The following AHNAK2 variants were observed in gnomAD, a reference collection of about 807,000 sequenced individuals.
The protein encoded by AHNAK2 is protein AHNAK2.
A neutral mutation model predicts 30.7 loss-of-function variants in AHNAK2; 18 were observed. The ratio of observed to expected loss-of-function variants is 0.59; its 90% confidence interval spans 0.41 to 0.87. AHNAK2 has a LOEUF of 0.87. Ranked by LOEUF, AHNAK2 falls within the 40% of genes least tolerant of loss-of-function variation. AHNAK2 has a pLI of 0.00. For synonymous variants in AHNAK2, 3,590 were observed against 3,073.8 expected, an observed-to-expected ratio of 1.17 and a Z score of -5.56; for missense variants, 8,604 against 7,373.0, an observed-to-expected ratio of 1.17 and a Z score of -6.11.
intron 1 of AHNAK2, among the ~76,000 whole-genome samples, chr14:104,973,263 G>A (rs559463469): frequency 1.3e-5 from 2 of 152,358 alleles, no homozygotes; most frequent in South Asian, 4.1e-4. Flanking sequence ...TAGGACCCAG[G>A]ACCAGCTAGG....
Position 104,952,846 on chromosome 14 carries a change from G to T in AHNAK2, c.2605C>A (p.Leu869Ile), listed in dbSNP as rs1210019971. The change falls in exon 7 of 7, where the codon CTC (leucine) becomes ATC (isoleucine). Residue 869 changes from leucine to isoleucine, a missense_variant. By Grantham distance (5) the Leu-to-Ile change is conservative. Transcript: ENST00000333244. ...SAPKVEADVS[L>I]SSMQGDLKAT... is the part of the protein sequence containing the mutation. Reference sequence around the variant, plus strand: ...TTGAGGTCCCCCTGCATGGAGGAGAGGCTCACGTCGGCCTCCACCTTCGGC... The same window carrying T: ...TTGAGGTCCCCCTGCATGGAGGAGATGCTCACGTCGGCCTCCACCTTCGGC... The T allele has an allele frequency of 1.2e-6, 2 of 1,612,708 alleles. No homozygotes were observed. The highest frequency in any genetic ancestry group is 1.1e-5 in the South Asian group (1 of 91,028).
At position 104,951,244 on chromosome 14, in the gene AHNAK2, C is replaced by T. The variant is rs141283979; in HGVS notation, c.4207G>A (p.Glu1403Lys). ...AGGTGCCCTTTGAGGCCGGCTCCCT[C>T]GGGCACGGGGCCCTCTGGGAGTTTC... The part of the protein sequence containing the change: ...DVKLPEGPVP[E>K]GAGLKGHLPK... Residue 1403 changes from glutamate (E) to lysine (K), a missense_variant, in exon 7 of 7, where the codon GAG (glutamate) becomes AAG (lysine). Glu to Lys is a moderately conservative substitution (Grantham distance 56). Coordinates refer to ENST00000333244, the MANE Select transcript of AHNAK2 (RefSeq NM_138420.4). 0.065 allele frequency: 68,554 copies of T among 1,060,952 alleles called. 26,205 individuals carry two copies. Among genetic ancestry groups the T allele is most frequent in the Middle Eastern group, 0.13 (455 of 3,636 alleles). The allele number at this position is 1,060,952 out of a possible 1,614,324, so 65.7% of individuals were successfully genotyped here. A position where few individuals can be genotyped will look rare whatever the true frequency, so the allele number is the denominator to read the frequency against.
rs754741219 is a variant in AHNAK2 at position 104,939,295 on chromosome 14, A to G, written c.16156T>C (p.Phe5386Leu). 1.2e-6 allele frequency: 2 copies of G among 1,613,852 alleles called. No homozygotes were observed. Among genetic ancestry groups the G allele is most frequent in the Non-Finnish European group, 1.7e-6 (2 of 1,179,876 alleles). The change falls in exon 7 of 7, where the codon TTC becomes CTC. Residue 5386 changes from phenylalanine to leucine, a missense_variant. Phe to Leu is a conservative substitution (Grantham distance 22). Coordinates refer to ENST00000333244, the MANE Select transcript of AHNAK2 (RefSeq NM_138420.4). ...AACCTTGGTACCATTAATTTGGGGA[A>G]TTTGACAGTTAGGACAGAATCTTCC... is the stretch of plus-strand genomic sequence containing the variant. Reference protein sequence around the residue: ...LWEDSVLTVKFPKLMVPRFSF... With the variant: ...LWEDSVLTVKLPKLMVPRFSF...
chr14:104,973,989 CTGCCTCCTG>C (rs764090600), intron 1 of AHNAK2, among the ~76,000 whole-genome samples: 99 of 152,380 alleles, frequency 6.5e-4, no homozygotes, highest in South Asian at 2.3e-3. Context: ...TCCCCATCCC[CTGCCTCCTG>C]GGCTCAGCTC....
At chr14:104,963,631 C>T (rs1225836688) in intron 1 of AHNAK2, among the ~76,000 whole-genome samples, 3 of 151,998 alleles carry the variant, frequency 2.0e-5, no homozygotes, top group African/African-American at 7.3e-5. Flanking sequence ...GAGATCGAGA[C>T]CATCCTGGCT....
At chr14:104,964,818 G>A (rs1046329838) in intron 1 of AHNAK2, among the ~76,000 whole-genome samples, 3 of 152,212 alleles carry the variant, frequency 2.0e-5, no homozygotes, top group South Asian at 2.1e-4. Flanking sequence ...TTACTTGGGT[G>A]TGCCATGGTT....
rs1898116295 is a variant in AHNAK2 at position 104,943,888 on chromosome 14, G to A, written c.11563C>T (p.Pro3855Ser). 6.2e-7 allele frequency: 1 copy of A among 1,613,038 alleles called. No individual in the cohort carries two copies. Among genetic ancestry groups the A allele is most frequent in the South Asian group, 1.1e-5 (1 of 91,044 alleles). ...TGGACCGTCAGGTCGGCAGAATGGG[G>A]CTGAATGCTGAGGTCAGTGGTCTTG... ...DLKTTDLSIQPHSADLTVQAR... is the reference protein window; with the variant it reads ...DLKTTDLSIQSHSADLTVQAR... The change falls in exon 7 of 7, where the codon CCC becomes TCC. Residue 3855 changes from proline to serine, a missense_variant. Transcript: ENST00000333244.
rs1416735792 is a variant in AHNAK2, at chr14:104,970,247, C to T, written c.55+7936G>A. Among the ~76,000 whole-genome samples, 3 of 152,174 alleles carry T rather than the reference C, an allele frequency of 2.0e-5. No individual in the cohort carries two copies. The East Asian group carries it at 5.8e-4, about 29-fold the overall frequency. On this transcript the variant is annotated intron_variant, in intron 1 of 6. Coordinates refer to ENST00000333244, the MANE Select transcript of AHNAK2 (RefSeq NM_138420.4). Reference sequence around the variant, plus strand: ...GGACCCAGGAGAAGGGGCTCCGGGGCTTTCTCCCTGACATCCCTGCCCAGC... The same window carrying T: ...GGACCCAGGAGAAGGGGCTCCGGGGTTTTCTCCCTGACATCCCTGCCCAGC...
chr14:104,953,232 T>A lies in AHNAK2; in HGVS notation c.2219A>T (p.Asp740Val), dbSNP rs1292512364. ...ADLEVQDGQV[D>V]VKLPEGPLPE... ...CAGGGGGCCCTCCGGAAGTTTCACA[T>A]CCACTTGGCCATCCTGGACCTCCAG... Residue 740 changes from aspartate to valine, a missense_variant, in exon 7 of 7, where the codon GAT becomes GTT. Transcript: ENST00000333244. The A allele has an allele frequency of 6.2e-7, 1 of 1,612,816 alleles. No individual in the cohort carries two copies. Among genetic ancestry groups the A allele is most frequent in the Non-Finnish European group, 8.5e-7 (1 of 1,179,676 alleles).
chr14:104,946,256 C>A lies in AHNAK2; in HGVS notation c.9195G>T (p.Gln3065His). 1 of 1,609,786 alleles carries A rather than the reference C, an allele frequency of 6.2e-7. No individual in the cohort carries two copies. Among genetic ancestry groups the A allele is most frequent in the Non-Finnish European group, 8.5e-7 (1 of 1,178,408 alleles). The change falls in exon 7 of 7, where the codon CAG becomes CAT. Residue 3065 changes from glutamine (Q) to histidine (H), a missense_variant. Coordinates refer to ENST00000333244, the MANE Select transcript of AHNAK2 (RefSeq NM_138420.4). Reference sequence around the variant, plus strand: ...CTTTGGGCATCTTGAAACTGGGCATCTGCAACTTGGGCAGGTGCCCTTTGA... The same window carrying A: ...CTTTGGGCATCTTGAAACTGGGCATATGCAACTTGGGCAGGTGCCCTTTGA... Reference protein sequence around the residue: ...AGLKGHLPKLQMPSFKMPKVD... With the variant: ...AGLKGHLPKLHMPSFKMPKVD...
Position 104,944,570 on chromosome 14 carries a change from A to G in AHNAK2, c.10881T>C (p.Ala3627=), listed in dbSNP as rs373361552. The G allele has an allele frequency of 1.1e-4, 178 of 1,609,634 alleles. 1 individual carries two copies. The Middle Eastern group carries it at 4.0e-3, about 36-fold the overall frequency. The change falls in exon 7 of 7, where the codon GCT becomes GCC. Residue 3627 remains alanine (A), a synonymous_variant. Coordinates refer to ENST00000333244, the MANE Select transcript of AHNAK2 (RefSeq NM_138420.4). ...TGTCTTTGGCAGTCACGTCCTTGTC[A>G]GCCAGGGACAGGTCTCCCTCCAGCC... ...AGRLEGDLSL[A]DKDVTAKDSK...
chr14:104,948,503 G>A lies in AHNAK2; in HGVS notation c.6948C>T (p.Ser2316=), dbSNP rs1201944289. 6.2e-7 allele frequency: 1 copy of A among 1,610,428 alleles called. No individual in the cohort carries two copies. The highest frequency in any genetic ancestry group is 8.5e-7 in the Non-Finnish European group (1 of 1,178,648). The change falls in exon 7 of 7, where the codon AGC becomes AGT. Residue 2316 remains serine, a synonymous_variant. Transcript: ENST00000333244. ...LADKDVTAKD[S]KFKMPKFKML... Reference sequence around the variant, plus strand: ...TCTTGAACTTGGGCATTTTGAACTTGCTGTCTTTGGCAGTCACGTCCTTGT... The same window carrying A: ...TCTTGAACTTGGGCATTTTGAACTTACTGTCTTTGGCAGTCACGTCCTTGT...
intron 1 of AHNAK2, 111 bp downstream of exon 1, chr14:104,978,072 T>C: frequency 1.1e-6 from 1 of 907,298 alleles, no homozygotes. Context: ...CGTCTCCGAG[T>C]CCCCCGCCCC....
Position 104,948,487 on chromosome 14 carries a change from T to C in AHNAK2, c.6964A>G (p.Lys2322Glu), listed in dbSNP as rs1898441298. 1 of 1,610,520 alleles carries C rather than the reference T, an allele frequency of 6.2e-7. No individual in the cohort carries two copies. Among genetic ancestry groups the C allele is most frequent in the East Asian group, 2.2e-5 (1 of 44,518 alleles). Residue 2322 changes from lysine to glutamate, a missense_variant, in exon 7 of 7, where the codon AAG becomes GAG. Lys to Glu is a moderately conservative substitution (Grantham distance 56). Coordinates refer to ENST00000333244, the MANE Select transcript of AHNAK2 (RefSeq NM_138420.4). ...ACCCCAAACGACAGCATCTTGAACTTGGGCATTTTGAACTTGCTGTCTTTG... is the reference window on the plus strand; with the variant it reads ...ACCCCAAACGACAGCATCTTGAACTCGGGCATTTTGAACTTGCTGTCTTTG... The part of the protein sequence containing the change: ...TAKDSKFKMP[K>E]FKMLSFGVSA...
chr14:104,940,127 C>G lies in AHNAK2; in HGVS notation c.15324G>C (p.Lys5108Asn). Residue 5108 changes from lysine to asparagine, a missense_variant, in exon 7 of 7, where the codon AAG (lysine) becomes AAC (asparagine). Physicochemically the swap from Lys to Asn is moderately conservative, Grantham distance 94. Coordinates refer to ENST00000333244, the MANE Select transcript of AHNAK2 (RefSeq NM_138420.4). This position sits in a 1 kb window ranked among gnomAD's most constrained non-coding sequence, Gnocchi z 4.4. ...CAGGCTGGCTCACCTCCACCTTGGC[C>G]TTGGAGGATCTGAGATCAGGTTTGG... is the stretch of plus-strand genomic sequence containing the variant. ...GFAKPDLRSS[K>N]AKVEVSQPEA... 6.2e-7 allele frequency: 1 copy of G among 1,613,322 alleles called. No homozygotes were observed. Among genetic ancestry groups the G allele is most frequent in the South Asian group, 1.1e-5 (1 of 91,072 alleles).
chr14:104,962,993 C>A (rs539875779), intron 1 of AHNAK2, among the ~76,000 whole-genome samples: 1 of 152,130 alleles, frequency 6.6e-6, no homozygotes, highest in Admixed American at 6.5e-5. Flanking sequence ...GATCATAGAA[C>A]GAAAACTGAT....
At chr14:104,967,244 C>T (rs1433031505) in intron 1 of AHNAK2, among the ~76,000 whole-genome samples, 1 of 152,174 alleles carries the variant, frequency 6.6e-6, no homozygotes, top group Non-Finnish European at 1.5e-5. Context: ...TGGCAGGAGC[C>T]TGGATGGGTT....
At position 104,950,647 on chromosome 14, in the gene AHNAK2, T is replaced by A; in HGVS notation, c.4804A>T (p.Lys1602Ter). Residue 1602 changes from lysine to a stop codon, truncating the protein, a stop_gained, in exon 7 of 7, where the codon AAG (lysine) becomes TAG (stop). Coordinates refer to ENST00000333244, the MANE Select transcript of AHNAK2 (RefSeq NM_138420.4). LOFTEE classifies it low-confidence loss of function (END_TRUNC). ...KGPQIDVKGP[K>*]LDLKGPKVEV... The stretch of plus-strand genomic sequence containing the variant: ...ACCTTGGGGCCTTTCAGGTCCAGCT[T>A]GGGGCCCTTAACATCTATCTGGGGC... 1 of 1,587,082 alleles carries A rather than the reference T, an allele frequency of 6.3e-7. No individual in the cohort carries two copies. Among genetic ancestry groups the A allele is most frequent in the Non-Finnish European group, 8.6e-7 (1 of 1,162,766 alleles).
intron 1 of AHNAK2, among the ~76,000 whole-genome samples, chr14:104,962,746 C>A (rs921487814): frequency 6.6e-6 from 1 of 152,232 alleles, no homozygotes; most frequent in African/African-American, 2.4e-5. Context: ...TCAAAGCAGC[C>A]CAGTTATTCC....
Sources: gnomAD v4.1 joint callset for allele counts (sites outside exome capture counted in the v4.1 genomes callset) on GRCh38, gnomAD v4.1.1 for gene constraint, Gnocchi (gnomAD v3.1) non-coding constraint, MANE v1.5 for transcripts, NCBI Gene and HGNC (gene_info 2026-07-23, HGNC 2026-07-21) for gene names.